Variants in ESPN observed in about 807,000 individuals in gnomAD.
The protein encoded by ESPN is espin.
Under a neutral mutation model 77.7 loss-of-function variants are expected in ESPN, and 68 were observed. The observed-to-expected ratio is 0.87, with a 90% CI of 0.72 to 1.07. ESPN has a LOEUF of 1.07. Ranked by LOEUF, ESPN falls within the 50% of genes least tolerant of loss-of-function variation. The pLI is 0.00. For missense variants in ESPN, 1,060 were observed against 1,239.0 expected (o/e 0.86, Z 2.17); for synonymous variants, 449 against 567.1 (o/e 0.79, Z 2.96).
At chr1:6,457,474 T>A in intron 12 of ESPN, 102 bp downstream of exon 12, 19 of 1,426,510 alleles carry the variant, frequency 1.3e-5, no homozygotes, top group Non-Finnish European at 1.9e-5. Context: ...TCCTGTCTCT[T>A]GGCCCTTGTA....
intron 2 of ESPN, among the ~76,000 whole-genome samples, chr1:6,434,938 G>T (rs1377179307): frequency 6.6e-6 from 1 of 152,156 alleles, no homozygotes; most frequent in African/African-American, 2.4e-5. Flanking sequence ...CAGTGATGCG[G>T]GGAGGTGTAG....
At position 6,449,070 on chromosome 1, in the gene ESPN, C is replaced by A; in HGVS notation, c.1894C>A (p.Arg632Ser). The A allele has an allele frequency of 6.7e-7, 1 of 1,483,528 alleles. No homozygotes were observed. Among genetic ancestry groups the A allele is most frequent in the Non-Finnish European group, 8.9e-7 (1 of 1,124,066 alleles). The allele number at this position is 1,483,528 out of a possible 1,614,324, so 91.9% of individuals were successfully genotyped here. Residue 632 changes from arginine (R) to serine (S), a missense_variant, in exon 8 of 13, where the codon CGC (arginine) becomes AGC (serine). Transcript: ENST00000645284. The stretch of plus-strand genomic sequence containing the variant: ...CGCTGGCCCTGGCTGCGGGCAGCGC[C>A]GCTCCTCCTCGTCCACCGGCAGTGA... ...ESAGPGCGQR[R>S]SSSSTGSTKS...
rs1305852912 is a variant in ESPN, at chr1:6,450,250, A to C, written c.1915+1159A>C. On this transcript the variant is annotated intron_variant, in intron 8 of 12. Transcript: ENST00000645284. This position sits in a 1 kb window ranked among gnomAD's most constrained non-coding sequence, Gnocchi z 4.3. ...CTCAGGGGCACCAGCCAAGCCAGGA[A>C]CTCGATGGACCACCCTCATGGGGCC... 6.5e-6 allele frequency: 1 copy of C among 152,904 alleles called. No individual in the cohort carries two copies. The highest frequency in any genetic ancestry group is 1.5e-5 in the Non-Finnish European group (1 of 68,622). The allele number at this position is 152,904 out of a possible 1,614,324, so 9.5% of individuals were successfully genotyped here. A position where few individuals can be genotyped will look rare whatever the true frequency, so the allele number is the denominator to read the frequency against.
chr1:6,437,811 G>A lies in ESPN; in HGVS notation c.489-2443G>A, dbSNP rs373356249. On this transcript the variant is annotated intron_variant, in intron 2 of 12. Transcript: ENST00000645284. This position sits in a 1 kb window ranked among gnomAD's most constrained non-coding sequence, Gnocchi z 4.5. ...GTCTCAGGAGTCAGGGAAGTAGACA[G>A]AGAACCAGGGCTTTAGGGACAGGGA... 91 of 152,584 alleles carry A rather than the reference G, an allele frequency of 6.0e-4. 1 individual carries two copies. In the East Asian group the frequency reaches 0.017, roughly 29 times the overall value. The allele number at this position is 152,584 out of a possible 1,614,324, so 9.5% of individuals were successfully genotyped here.
Position 6,432,041 on chromosome 1 carries a change from G to A in ESPN, c.488+3622G>A, listed in dbSNP as rs560105492. On this transcript the variant is annotated intron_variant, in intron 2 of 12. Transcript: ENST00000645284. ...GGTCTCTCTCCCACTCCTGGTCCAG[G>A]TCCTAATCACTCAGGGCCTTTCAAG... is the stretch of plus-strand genomic sequence containing the variant. Among the ~76,000 whole-genome samples the A allele has an allele frequency of 8.5e-5, 13 of 152,276 alleles. No individual in the cohort carries two copies. In the East Asian group the frequency reaches 2.5e-3, roughly 29 times the overall value.
chr1:6,458,924 C>CT (rs1644102296), intron 12 of ESPN, among the ~76,000 whole-genome samples: 4 of 131,364 alleles, frequency 3.0e-5, no homozygotes. Flanking sequence ...CAGAGTGAGA[C>CT]TCCATTTCAA....
rs779084814 is a variant in ESPN at position 6,457,148 on chromosome 1, C to T, written c.2326-36C>T. The T allele has an allele frequency of 6.4e-6, 10 of 1,562,400 alleles. 1 individual carries two copies. In the South Asian group the frequency reaches 7.0e-5, roughly 11 times the overall value. ...TTGAGGGTGCCCCCTATCTCCCAGC[C>T]CCTGCAGGCCCTGAAGCTTTGTGGT... On this transcript the variant is annotated intron_variant, in intron 10 of 12. Transcript: ENST00000645284.
chr1:6,442,594 G>C (rs892884628), intron 5 of ESPN, among the ~76,000 whole-genome samples: 1 of 148,770 alleles, frequency 6.7e-6, no homozygotes, highest in Non-Finnish European at 1.5e-5. Flanking sequence ...AAAAGGCTGG[G>C]CACGGTGGCT....
chr1:6,425,054 C>T lies in ESPN; in HGVS notation c.99C>T (p.Asp33=), dbSNP rs897967580. ...GCCTCCTGGGGCCCTCGCTGCGCGACCCGCTGGACGCGCTGCCCGTGCACC... is the reference window on the plus strand; with the variant it reads ...GCCTCCTGGGGCCCTCGCTGCGCGATCCGCTGGACGCGCTGCCCGTGCACC... ...AAGLLGPSLR[D]PLDALPVHHA... Residue 33 remains aspartate, a synonymous_variant, in exon 1 of 13, where the codon GAC becomes GAT. Transcript: ENST00000645284. 14 of 1,469,894 alleles carry T rather than the reference C, an allele frequency of 9.5e-6. No individual in the cohort carries two copies. The highest frequency in any genetic ancestry group is 2.4e-4 in the Middle Eastern group (1 of 4,178). The allele number at this position is 1,469,894 out of a possible 1,614,324, so 91.1% of individuals were successfully genotyped here. A position where few individuals can be genotyped will look rare whatever the true frequency, so the allele number is the denominator to read the frequency against.
chr1:6,455,181 C>T (rs2148544861), intron 10 of ESPN: 2 of 388,528 alleles, frequency 5.1e-6, no homozygotes, highest in South Asian at 1.3e-4. Context: ...ACAGGATCGC[C>T]AGGCGGCGCT....
chr1:6,459,889 C>T (rs1486562658), intron 12 of ESPN, 110 bp from the exon 13 acceptor site: 21 of 1,387,188 alleles, frequency 1.5e-5, no homozygotes, highest in Non-Finnish European at 2.0e-5. Context: ...GTAACCCACC[C>T]CTTGCATGGG....
In ESPN at chr1:6,447,865, A is replaced by C. The variant is rs1643877675; in HGVS notation, c.1465-776A>C. ...AGGGAGAGGCGCAGGGGGCGGGGTC[A>C]CATCTGGCCGGGGACGGGTGCAGAG... is the stretch of plus-strand genomic sequence containing the variant. On this transcript the variant is annotated intron_variant, in intron 7 of 12. Coordinates refer to ENST00000645284, the MANE Select transcript of ESPN (RefSeq NM_031475.3). This position sits in a 1 kb window ranked among gnomAD's most constrained non-coding sequence, Gnocchi z 5.2. Among the ~76,000 whole-genome samples the C allele has an allele frequency of 6.6e-6, 1 of 152,108 alleles. No homozygotes were observed. The highest frequency in any genetic ancestry group is 2.1e-4 in the South Asian group (1 of 4,828).
chr1:6,440,620 G>T lies in ESPN; in HGVS notation c.676-6G>T, dbSNP rs767493145. On this transcript the variant is annotated splice_region_variant and splice_polypyrimidine_tract_variant and intron_variant, in intron 3 of 12. Coordinates refer to ENST00000645284, the MANE Select transcript of ESPN (RefSeq NM_031475.3). ...CCGCCCCCCTCTCCCCGCCCGTCCC[G>T]CCCAGGTGAGCTGCACCGACGTGAG... 4.6e-4 allele frequency: 341 copies of T among 738,712 alleles called. 3 individuals carry two copies. Among genetic ancestry groups the T allele is most frequent in the Non-Finnish European group, 1.2e-4 (60 of 509,262 alleles). The allele number at this position is 738,712 out of a possible 1,614,324, so 45.8% of individuals were successfully genotyped here.
At chr1:6,439,932 C>G (rs1482702614) in intron 2 of ESPN, among the ~76,000 whole-genome samples, 1 of 152,172 alleles carries the variant, frequency 6.6e-6, no homozygotes, top group African/African-American at 2.4e-5. Context: ...TCGCTTGAAC[C>G]CGGGAGGCAG....
rs142558141 is a variant in ESPN, at chr1:6,438,111, T to G, written c.489-2143T>G. Among the ~76,000 whole-genome samples, 159 of 152,148 alleles carry G rather than the reference T, an allele frequency of 1.0e-3. 1 individual carries two copies. Among genetic ancestry groups the G allele is most frequent in the African/African-American group, 3.6e-3 (149 of 41,484 alleles). Reference sequence around the variant, plus strand: ...TGTGAAGTCCTGTGAAGAATTGGCCTCCTAAGCACAAAAGGTGAATTGGAA... The same window carrying G: ...TGTGAAGTCCTGTGAAGAATTGGCCGCCTAAGCACAAAAGGTGAATTGGAA... On this transcript the variant is annotated intron_variant, in intron 2 of 12. Transcript: ENST00000645284.
chr1:6,448,558 G>A, intron 7 of ESPN, 83 bp from the exon 8 acceptor site: 3 of 1,273,850 alleles, frequency 2.4e-6, no homozygotes, highest in East Asian at 5.8e-5. Flanking sequence ...CGAGTCCCCA[G>A]GAGGTGAAGA....
intron 7 of ESPN, chr1:6,448,331 C>G: frequency 3.0e-6 from 1 of 329,708 alleles, no homozygotes; most frequent in Non-Finnish European, 5.6e-6. Flanking sequence ...CGCCAGCTCC[C>G]CCTGGCGTCG....
At chr1:6,446,012 G>A (rs1349982451) in intron 7 of ESPN, 77 bp downstream of exon 7, 3 of 1,469,118 alleles carry the variant, frequency 2.0e-6, no homozygotes, top group Non-Finnish European at 2.8e-6. Context: ...CAAAGGCCTG[G>A]CCTCACTAGT....
In ESPN at chr1:6,440,781, C is replaced by T. The variant is rs1223740364; in HGVS notation, c.831C>T (p.His277=). Residue 277 remains histidine (H), a synonymous_variant, in exon 4 of 13, where the codon CAC becomes CAT. Coordinates refer to ENST00000645284, the MANE Select transcript of ESPN (RefSeq NM_031475.3). ...ACCTGTGGGGCGGGACCCCGCTGCA[C>T]GACGCCGCCGAGAACGGGGAGCTAG... ...SADLWGGTPL[H]DAAENGELEC... 1 of 1,514,258 alleles carries T rather than the reference C, an allele frequency of 6.6e-7. No homozygotes were observed. Among genetic ancestry groups the T allele is most frequent in the Middle Eastern group, 2.3e-4 (1 of 4,260 alleles). The allele number at this position is 1,514,258 out of a possible 1,614,324, so 93.8% of individuals were successfully genotyped here.
Sources: gnomAD v4.1 joint callset for allele counts (sites outside exome capture counted in the v4.1 genomes callset) on GRCh38, gnomAD v4.1.1 for gene constraint, Gnocchi (gnomAD v3.1) non-coding constraint, MANE v1.5 for transcripts, NCBI Gene and HGNC (gene_info 2026-07-23, HGNC 2026-07-21) for gene names.